ARHGEF4: variants seen among roughly 807,000 people sequenced by gnomAD.
The protein encoded by ARHGEF4 is APC-stimulated guanine nucleotide exchange factor 1.
A neutral mutation model predicts 162.0 loss-of-function variants in ARHGEF4; 119 were observed. The ratio of observed to expected loss-of-function variants is 0.73; its 90% CI spans 0.63 to 0.86. ARHGEF4 has a LOEUF of 0.86. ARHGEF4 is among the 40% of genes least tolerant of loss of function. The probability of loss-of-function intolerance (pLI) is 0.00; values close to 1 mark genes in which losing one functional copy is unlikely to be tolerated. For missense variants in ARHGEF4, 2,488 were observed against 2,456.0 expected (o/e 1.01, Z -0.28); for synonymous variants, 1,014 against 979.9 (o/e 1.03, Z -0.65).
At chr2:130,879,040 A>C (rs7595588) in intron 1 of ARHGEF4, among the ~76,000 whole-genome samples, 1 of 152,214 alleles carries the variant, frequency 6.6e-6, no homozygotes, top group Non-Finnish European at 1.5e-5. Flanking sequence ...GCTCAGAGGC[A>C]TGTTGGAGCA....
intron 4 of ARHGEF4, among the ~76,000 whole-genome samples, chr2:130,992,338 A>G (rs924666409): frequency 1.3e-5 from 2 of 151,486 alleles, no homozygotes; most frequent in African/African-American, 4.8e-5. Context: ...TTTGCAATAA[A>G]TCTTGCTACT....
Position 130,916,567 on chromosome 2 carries a change from C to T in ARHGEF4, c.2621C>T (p.Ala874Val), listed in dbSNP as rs1325099111. 6.5e-7 allele frequency: 1 copy of T among 1,550,248 alleles called. No homozygotes were observed. Among genetic ancestry groups the T allele is most frequent in the Non-Finnish European group, 8.7e-7 (1 of 1,146,870 alleles). The part of the protein sequence containing the change: ...AGDRTAGPAG[A>V]GHTGTSGDLG... ...GACAGGACTGCAGGGCCGGCAGGAG[C>T]GGGGCACACGGGGACCTCAGGGGAT... is the stretch of plus-strand genomic sequence containing the variant. The change falls in exon 2 of 14, where the codon GCG becomes GTG. Residue 874 changes from alanine to valine, a missense_variant. Transcript: ENST00000409359.
intron 2 of ARHGEF4, among the ~76,000 whole-genome samples, chr2:130,919,240 C>T (rs1454309083): frequency 1.3e-5 from 2 of 152,168 alleles, no homozygotes; most frequent in East Asian, 1.9e-4. Context: ...TTATAAATAA[C>T]GCTTCAGCAG....
At chr2:131,002,487 G>T (rs895040623) in intron 4 of ARHGEF4, among the ~76,000 whole-genome samples, 1 of 152,020 alleles carries the variant, frequency 6.6e-6, no homozygotes, top group Non-Finnish European at 1.5e-5. Flanking sequence ...GAGGCGGGCG[G>T]ATCACGAGGT....
At chr2:130,991,495 G>A (rs1440103515) in intron 4 of ARHGEF4, among the ~76,000 whole-genome samples, 5 of 152,230 alleles carry the variant, frequency 3.3e-5, no homozygotes, top group Non-Finnish European at 5.9e-5. Context: ...TTGCGGGCCA[G>A]CTGGAGTTCG....
intron 1 of ARHGEF4, among the ~76,000 whole-genome samples, chr2:130,913,483 A>G (rs1681312358): frequency 1.3e-5 from 2 of 152,028 alleles, no homozygotes; most frequent in South Asian, 4.1e-4. Flanking sequence ...GATCATTCTC[A>G]TTTTTGTTGT....
intron 4 of ARHGEF4, among the ~76,000 whole-genome samples, chr2:131,007,886 A>G (rs1688228520): frequency 7.6e-6 from 1 of 130,842 alleles, no homozygotes; most frequent in Admixed American, 9.9e-5. Flanking sequence ...ATCTCAGCTC[A>G]CTGCAACCTC....
At chr2:130,942,299 G>C (rs956042879) in intron 3 of ARHGEF4, among the ~76,000 whole-genome samples, 1 of 151,496 alleles carries the variant, frequency 6.6e-6, no homozygotes, top group Non-Finnish European at 1.5e-5. Context: ...ACAGGAACCC[G>C]CCACCACGCC....
At chr2:130,853,723 C>T (rs1422681331) in intron 1 of ARHGEF4, among the ~76,000 whole-genome samples, 2 of 152,188 alleles carry the variant, frequency 1.3e-5, no homozygotes, top group African/African-American at 4.8e-5. Flanking sequence ...GTCAGCACAG[C>T]ACCAGGACAC....
intron 1 of ARHGEF4, among the ~76,000 whole-genome samples, chr2:130,874,969 T>G (rs1678729073): frequency 6.6e-6 from 1 of 152,248 alleles, no homozygotes; most frequent in Non-Finnish European, 1.5e-5. Context: ...AAGCTTTGGT[T>G]GTTTTCCAGG....
At chr2:130,903,341 C>A (rs1396719668) in intron 1 of ARHGEF4, among the ~76,000 whole-genome samples, 1 of 151,828 alleles carries the variant, frequency 6.6e-6, no homozygotes, top group Non-Finnish European at 1.5e-5. Context: ...TTACTGAAAC[C>A]TCTCCCTCCC....
intron 4 of ARHGEF4, among the ~76,000 whole-genome samples, chr2:131,013,854 G>A (rs1160820763): frequency 6.6e-6 from 1 of 152,176 alleles, no homozygotes; most frequent in Non-Finnish European, 1.5e-5. Flanking sequence ...ACCCGCCTCT[G>A]CCTCCCAAAG....
At chr2:130,964,331 C>T in intron 4 of ARHGEF4, 2 of 844,670 alleles carry the variant, frequency 2.4e-6, no homozygotes, top group Non-Finnish European at 2.9e-6. Context: ...CCCCTCCTGC[C>T]TTTCCTTCTC....
intron 4 of ARHGEF4, among the ~76,000 whole-genome samples, chr2:130,979,890 G>A (rs75517463): frequency 0.031 from 4,700 of 151,936 alleles, 194 homozygotes; most frequent in African/African-American, 0.097. Context: ...AAATGTTTAC[G>A]CTTTGATAGA....
Position 131,045,392 on chromosome 2 carries a change from A to C in ARHGEF4, c.5425A>C (p.Arg1809=). The change falls in exon 13 of 14, where the codon AGG becomes CGG. Residue 1809 remains arginine (R), a synonymous_variant. Transcript: ENST00000409359. Reference sequence around the variant, plus strand: ...AGGCTTCTCCATCACTGAACTGCAGAGGAAGCAGGCCATGCTGAATGCCAG... The same window carrying C: ...AGGCTTCTCCATCACTGAACTGCAGCGGAAGCAGGCCATGCTGAATGCCAG... ...ETGFSITELQ[R]KQAMLNASKQ... 3.1e-6 allele frequency: 5 copies of C among 1,613,440 alleles called. No homozygotes were observed. The highest frequency in any genetic ancestry group is 4.2e-6 in the Non-Finnish European group (5 of 1,179,952).
intron 4 of ARHGEF4, among the ~76,000 whole-genome samples, chr2:131,004,882 C>T (rs1688018824): frequency 6.6e-6 from 1 of 152,182 alleles, no homozygotes; most frequent in Non-Finnish European, 1.5e-5. Flanking sequence ...ATGGCAGGTA[C>T]AGGAGCAACC....
At chr2:131,030,080 G>C (rs1482391945) in intron 5 of ARHGEF4, among the ~76,000 whole-genome samples, 3 of 152,230 alleles carry the variant, frequency 2.0e-5, no homozygotes, top group Non-Finnish European at 4.4e-5. Flanking sequence ...CTCCAACCAC[G>C]AGGGTGATCA....
At position 130,958,496 on chromosome 2, in the gene ARHGEF4, G is replaced by GC. The variant is rs573630663; in HGVS notation, c.3985+11868dup. 4.0e-4 allele frequency among the ~76,000 whole-genome samples: 60 copies of GC among 150,098 alleles called. No homozygotes were observed. The East Asian group carries it at 1.0e-2, about 25-fold the overall frequency. On this transcript the variant is annotated intron_variant, in intron 4 of 13. Coordinates refer to ENST00000409359, the MANE Select transcript of ARHGEF4 (RefSeq NM_001367493.1). ...ACAATCTCAGCTCACTGCAACCTCC[G>GC]CCCCCCCGATCCGAGCGATTCTCCC...
chr2:130,963,029 T>C (rs1684726835), intron 4 of ARHGEF4, among the ~76,000 whole-genome samples: 1 of 152,126 alleles, frequency 6.6e-6, no homozygotes, highest in African/African-American at 2.4e-5. Flanking sequence ...GAGGGGCAGA[T>C]GAAATAGTAA....
Sources: gnomAD v4.1 joint callset for allele counts (sites outside exome capture counted in the v4.1 genomes callset) on GRCh38, gnomAD v4.1.1 for gene constraint, MANE v1.5 for transcripts, NCBI Gene and HGNC (gene_info 2026-07-23, HGNC 2026-07-21) for gene names.